Variants in ZSWIM5 observed in about 807,000 individuals in gnomAD.
ZSWIM5 encodes the protein zinc finger SWIM domain-containing protein 5.
ZSWIM5 carries 55 observed loss-of-function variants against 119.6 expected under a neutral mutation model. The ratio of observed to expected loss-of-function variants is 0.46; its 90% confidence interval spans 0.37 to 0.58. ZSWIM5 has a LOEUF of 0.58. ZSWIM5 is among the 20% of genes least tolerant of loss of function. ZSWIM5 has a pLI of 0.00. For synonymous variants in ZSWIM5, 537 were observed against 606.9 expected (o/e 0.88, Z 1.69); for missense variants, 1,193 against 1,512.8 (o/e 0.79, Z 3.51).
chr1:45,070,356 A>G, intron 2 of ZSWIM5: 1 of 1,418,732 alleles, frequency 7.0e-7, no homozygotes. Flanking sequence ...CGGCATGGGC[A>G]GCCAGGGTGG....
rs141412079 is a variant in ZSWIM5 at position 45,187,555 on chromosome 1, AAAAG to A, written c.595+18197_595+18200del. ...GCAATGGTTTCTTAGCTATACTATC[AAAAG>A]AAAGAAAGAAAGAAAAAAGCAACCG... On this transcript the variant is annotated intron_variant, in intron 1 of 13. Coordinates refer to ENST00000359600, the MANE Select transcript of ZSWIM5 (RefSeq NM_020883.2). 5.0e-3 allele frequency among the ~76,000 whole-genome samples: 764 copies of A among 152,186 alleles called. 2 individuals carry two copies. The highest frequency in any genetic ancestry group is 0.017 in the African/African-American group (719 of 41,560).
chr1:45,188,950 C>T (rs1646075148), intron 1 of ZSWIM5, among the ~76,000 whole-genome samples: 1 of 152,194 alleles, frequency 6.6e-6, no homozygotes, highest in African/African-American at 2.4e-5. Context: ...TAAAACTACA[C>T]TAACATACTG....
At chr1:45,196,447 G>A (rs1570210425) in intron 1 of ZSWIM5, among the ~76,000 whole-genome samples, 1 of 133,100 alleles carries the variant, frequency 7.5e-6, no homozygotes, top group Non-Finnish European at 1.5e-5. Flanking sequence ...CTGGAGTGCA[G>A]TGGCACGATA....
chr1:45,051,695 AG>A (rs1645089308), intron 4 of ZSWIM5, among the ~76,000 whole-genome samples: 1 of 152,216 alleles, frequency 6.6e-6, no homozygotes, highest in Non-Finnish European at 1.5e-5. Flanking sequence ...AGCAGCATAG[AG>A]GAAGGGCATT....
At chr1:45,095,046 C>T (rs1452832152) in intron 1 of ZSWIM5, among the ~76,000 whole-genome samples, 1 of 152,050 alleles carries the variant, frequency 6.6e-6, no homozygotes, top group African/African-American at 2.4e-5. Context: ...TTGGTAAACA[C>T]CTCTGTATGA....
rs190193511 is a variant in ZSWIM5, at chr1:45,169,469, A to G, written c.595+36287T>C. Among the ~76,000 whole-genome samples the G allele has an allele frequency of 4.6e-5, 7 of 152,204 alleles. No homozygotes were observed. The East Asian group carries it at 1.2e-3, about 25-fold the overall frequency. ...AATCAAGACCAACTTAATCAAGACTAAGGAGCTAGTGACACAGTTGGAATA... is the reference window on the plus strand; with the variant it reads ...AATCAAGACCAACTTAATCAAGACTGAGGAGCTAGTGACACAGTTGGAATA... On this transcript the variant is annotated intron_variant, in intron 1 of 13. Coordinates refer to ENST00000359600, the MANE Select transcript of ZSWIM5 (RefSeq NM_020883.2).
chr1:45,195,043 C>T (rs951074899), intron 1 of ZSWIM5, among the ~76,000 whole-genome samples: 1 of 152,154 alleles, frequency 6.6e-6, no homozygotes, highest in African/African-American at 2.4e-5. Context: ...CTACTCTCTT[C>T]CCCCATAGTA....
intron 1 of ZSWIM5, among the ~76,000 whole-genome samples, chr1:45,105,618 C>T (rs1472986996): frequency 1.7e-4 from 24 of 137,702 alleles, no homozygotes; most frequent in Admixed American, 8.1e-4. Context: ...AAGTGAGGAG[C>T]GCCTCTGCCC....
In ZSWIM5 at chr1:45,018,542, A is replaced by C; in HGVS notation, c.3470T>G (p.Leu1157Arg). The part of the protein sequence containing the change: ...ETFLLPQDGH[L>R]QFAQFIDNLK... ...GTTGTCGATGAACTGGGCAAACTGCAGGTGGCCATCCTGGGGCAGCAGGAA... is the reference window on the plus strand; with the variant it reads ...GTTGTCGATGAACTGGGCAAACTGCCGGTGGCCATCCTGGGGCAGCAGGAA... The change falls in exon 14 of 14, where the codon CTG (leucine) becomes CGG (arginine). Residue 1157 changes from leucine (L) to arginine (R), a missense_variant. By Grantham distance (102) the Leu-to-Arg change is moderately radical. Transcript: ENST00000359600. This position sits in a 1 kb window ranked among gnomAD's most constrained non-coding sequence, Gnocchi z 6.7. 6.2e-7 allele frequency: 1 copy of C among 1,614,210 alleles called. No individual in the cohort carries two copies. Among genetic ancestry groups the C allele is most frequent in the Non-Finnish European group, 8.5e-7 (1 of 1,180,022 alleles).
chr1:45,096,619 C>A (rs1358371912), intron 1 of ZSWIM5, among the ~76,000 whole-genome samples: 3 of 152,004 alleles, frequency 2.0e-5, no homozygotes, highest in African/African-American at 7.3e-5. Context: ...GCATAAAGCA[C>A]CAAACATTTT....
intron 1 of ZSWIM5, among the ~76,000 whole-genome samples, chr1:45,130,622 A>AT (rs765696883): frequency 5.9e-5 from 9 of 152,212 alleles, no homozygotes; most frequent in Non-Finnish European, 1.0e-4. Context: ...GAAAAACCGA[A>AT]TCACTTGTAA....
intron 2 of ZSWIM5, among the ~76,000 whole-genome samples, chr1:45,065,349 A>C (rs1645176826): frequency 6.6e-6 from 1 of 152,234 alleles, no homozygotes; most frequent in Non-Finnish European, 1.5e-5. Flanking sequence ...AAGCAGGAAC[A>C]GGATCTAGTC....
chr1:45,160,804 C>T (rs527455304), intron 1 of ZSWIM5, among the ~76,000 whole-genome samples: 32 of 148,414 alleles, frequency 2.2e-4, no homozygotes, highest in East Asian at 1.6e-3. Context: ...TACAAGTGCA[C>T]GCCACCATGC....
intron 11 of ZSWIM5, among the ~76,000 whole-genome samples, chr1:45,022,804 A>C (rs1644896226): frequency 6.6e-6 from 1 of 152,242 alleles, no homozygotes; most frequent in Admixed American, 6.5e-5. Context: ...AGGATGCTCA[A>C]GTCTTTCATA....
chr1:45,164,036 A>T (rs1167753257), intron 1 of ZSWIM5, among the ~76,000 whole-genome samples: 1 of 152,226 alleles, frequency 6.6e-6, no homozygotes, highest in Non-Finnish European at 1.5e-5. Flanking sequence ...ACCAAAGTTG[A>T]AATGAAGGAA....
At chr1:45,189,070 T>G (rs1646075813) in intron 1 of ZSWIM5, among the ~76,000 whole-genome samples, 2 of 152,132 alleles carry the variant, frequency 1.3e-5, no homozygotes, top group Non-Finnish European at 2.9e-5. Context: ...TCCCAGAAAT[T>G]TTGAGAGGTT....
At chr1:45,163,783 A>T (rs889093082) in intron 1 of ZSWIM5, among the ~76,000 whole-genome samples, 4 of 152,236 alleles carry the variant, frequency 2.6e-5, no homozygotes, top group Non-Finnish European at 5.9e-5. Context: ...AAGAGTAAAA[A>T]GAAATGAACA....
At chr1:45,099,415 C>A (rs939519698) in intron 1 of ZSWIM5, among the ~76,000 whole-genome samples, 1 of 152,108 alleles carries the variant, frequency 6.6e-6, no homozygotes, top group Non-Finnish European at 1.5e-5. Context: ...TAATATCCTA[C>A]CAACCAAAAA....
chr1:45,167,629 A>T (rs1645914341), intron 1 of ZSWIM5, among the ~76,000 whole-genome samples: 1 of 152,108 alleles, frequency 6.6e-6, no homozygotes, highest in Admixed American at 6.6e-5. Context: ...ATTTACAAGA[A>T]AAAAAACAAA....
Sources: allele counts gnomAD v4.1 joint callset (sites outside exome capture counted in the v4.1 genomes callset), GRCh38; gene constraint gnomAD v4.1.1; non-coding constraint Gnocchi (gnomAD v3.1); transcripts MANE v1.5; gene names NCBI Gene and HGNC (gene_info 2026-07-23, HGNC 2026-07-21).